Variants in SLC1A1 observed in about 807,000 individuals in gnomAD.
SLC1A1 encodes solute carrier family 1 member 1.
SLC1A1 carries 43 observed loss-of-function variants against 53.3 expected under a neutral mutation model. The ratio of observed to expected loss-of-function variants is 0.81; its 90% CI spans 0.63 to 1.04. SLC1A1 has a LOEUF of 1.04. Ranked by LOEUF, SLC1A1 falls within the 50% of genes least tolerant of loss-of-function variation. The pLI, the probability that SLC1A1 is intolerant of heterozygous loss-of-function variation, is 0.00. For synonymous variants in SLC1A1, 307 were observed against 243.2 expected (o/e 1.26, Z -2.44); for missense variants, 748 against 664.9 (o/e 1.12, Z -1.37).
chr9:4,580,458 G>A (rs1820954692), intron 10 of SLC1A1, among the ~76,000 whole-genome samples: 1 of 151,900 alleles, frequency 6.6e-6, no homozygotes, highest in African/African-American at 2.4e-5. Context: ...GAGTGCATCT[G>A]TGGTCTCAGC....
At chr9:4,566,138 C>G (rs780009022) in intron 5 of SLC1A1, 49 bp downstream of exon 5, 1 of 1,512,316 alleles carries the variant, frequency 6.6e-7, no homozygotes, top group Admixed American at 1.7e-5. Context: ...TTCCCATTAT[C>G]AATTAAAAAT....
chr9:4,551,070 A>C (rs1381843649), intron 2 of SLC1A1, among the ~76,000 whole-genome samples: 2 of 152,222 alleles, frequency 1.3e-5, no homozygotes, highest in African/African-American at 4.8e-5. Context: ...CTACCACATC[A>C]GGCAAGGAGT....
At chr9:4,515,810 G>A (rs778459060) in intron 1 of SLC1A1, among the ~76,000 whole-genome samples, 1 of 152,140 alleles carries the variant, frequency 6.6e-6, no homozygotes, top group Non-Finnish European at 1.5e-5. Context: ...TCTCACAGCT[G>A]GCTGCTGAGT....
At chr9:4,562,065 C>CTTTT (rs745615028) in intron 3 of SLC1A1, among the ~76,000 whole-genome samples, 3 of 94,282 alleles carry the variant, frequency 3.2e-5, no homozygotes, top group Admixed American at 1.4e-4. Context: ...GCCCTAACTA[C>CTTTT]TTTTTTTTTT....
In SLC1A1 at chr9:4,537,240, A is replaced by T. The variant is rs981772706; in HGVS notation, c.92-7327A>T. 4.6e-5 allele frequency among the ~76,000 whole-genome samples: 7 copies of T among 152,196 alleles called. 1 individual carries two copies. The highest frequency in any genetic ancestry group is 3.9e-4 in the Admixed American group (6 of 15,278). ...ATGTGGGGGAAATGCTTATGACTTA[A>T]CATTAAATGAAAATTGCTTTTTAAA... On this transcript the variant is annotated intron_variant, in intron 1 of 11. Transcript: ENST00000262352.
chr9:4,509,750 T>C (rs1820934689), intron 1 of SLC1A1, among the ~76,000 whole-genome samples: 1 of 152,124 alleles, frequency 6.6e-6, no homozygotes, highest in South Asian at 2.1e-4. Flanking sequence ...CAGAGCCATA[T>C]GGCATGAGGT....
chr9:4,551,377 T>A (rs1222154455), intron 2 of SLC1A1, among the ~76,000 whole-genome samples: 1 of 152,074 alleles, frequency 6.6e-6, no homozygotes, highest in Non-Finnish European at 1.5e-5. Flanking sequence ...GAAAACAGAC[T>A]AACAGAAAAC....
intron 2 of SLC1A1, among the ~76,000 whole-genome samples, chr9:4,559,230 C>A (rs934308451): frequency 6.6e-6 from 1 of 152,050 alleles, no homozygotes; most frequent in Non-Finnish European, 1.5e-5. Flanking sequence ...TTTCTCAAAT[C>A]GAATAGAATC....
Position 4,581,927 on chromosome 9 carries a change from C to CT in SLC1A1, c.1194-1104dup, listed in dbSNP as rs767466237. Among the ~76,000 whole-genome samples, 110 of 152,160 alleles carry CT rather than the reference C, an allele frequency of 7.2e-4. 1 individual carries two copies. Among genetic ancestry groups the CT allele is most frequent in the South Asian group, 4.1e-4 (2 of 4,832 alleles). ...AGAATCAGCTTCCTAAGAACTCTGG[C>CT]TTTTTTTAGCCCCAAAGAATATGAA... is the stretch of plus-strand genomic sequence containing the variant. On this transcript the variant is annotated intron_variant, in intron 10 of 11. Transcript: ENST00000262352.
intron 1 of SLC1A1, among the ~76,000 whole-genome samples, chr9:4,533,187 T>C (rs145071383): frequency 0.021 from 3,164 of 152,242 alleles, 118 homozygotes; most frequent in African/African-American, 0.072. Flanking sequence ...AAGATCATAA[T>C]GGCAGGATCA....
chr9:4,585,459 T>A lies in SLC1A1; in HGVS notation c.1476T>A (p.Leu492=), dbSNP rs1476519992. Residue 492 remains leucine (L), a synonymous_variant, in exon 12 of 12, where the codon CTT becomes CTA. Transcript: ENST00000262352. ...VNPFALESTI[L]DNEDSDTKKS... ...CCTTTGCCTTGGAATCCACAATCCT[T>A]GACAACGAAGACTCAGACACCAAGA... 1.2e-6 allele frequency: 2 copies of A among 1,614,202 alleles called. No individual in the cohort carries two copies. Among genetic ancestry groups the A allele is most frequent in the Non-Finnish European group, 8.5e-7 (1 of 1,180,048 alleles).
chr9:4,541,681 G>T (rs977769610), intron 1 of SLC1A1, among the ~76,000 whole-genome samples: 3 of 152,176 alleles, frequency 2.0e-5, no homozygotes, highest in Non-Finnish European at 4.4e-5. Flanking sequence ...TGTGACTCAG[G>T]TTCCATAATC....
At chr9:4,547,862 CTT>C (rs1185460693) in intron 2 of SLC1A1, among the ~76,000 whole-genome samples, 1 of 151,898 alleles carries the variant, frequency 6.6e-6, no homozygotes, top group East Asian at 1.9e-4. Context: ...AAAAACTTGT[CTT>C]AGAATCATAT....
chr9:4,525,010 G>A (rs1010347513), intron 1 of SLC1A1, among the ~76,000 whole-genome samples: 1 of 152,116 alleles, frequency 6.6e-6, no homozygotes, highest in Non-Finnish European at 1.5e-5. Flanking sequence ...GTTTTGCTGA[G>A]GACAAACCAA....
At chr9:4,521,327 G>A (rs1489280346) in intron 1 of SLC1A1, among the ~76,000 whole-genome samples, 1 of 152,130 alleles carries the variant, frequency 6.6e-6, no homozygotes, top group Non-Finnish European at 1.5e-5. Context: ...AAGGTCATCA[G>A]GATTTATGCT....
At chr9:4,562,965 T>C (rs1435809694) in intron 3 of SLC1A1, among the ~76,000 whole-genome samples, 1 of 96,028 alleles carries the variant, frequency 1.0e-5, no homozygotes, top group African/African-American at 4.1e-5. Context: ...CTGGGGACTG[T>C]TGTGGGGTGG....
intron 1 of SLC1A1, among the ~76,000 whole-genome samples, chr9:4,499,846 A>T (rs901272907): frequency 3.9e-5 from 6 of 152,272 alleles, no homozygotes; most frequent in African/African-American, 1.4e-4. Context: ...GGCATAAGAA[A>T]TAAAGAAAGC....
Position 4,583,323 on chromosome 9 carries a change from A to C in SLC1A1, c.1328+151A>C. 1 of 985,952 alleles carries C rather than the reference A, an allele frequency of 1.0e-6. No individual in the cohort carries two copies. 61.1% of individuals were successfully genotyped at this position (985,952 alleles called of 1,614,324 possible). ...TTTCCTCTGACCAGGCCATCTGATA[A>C]CATGCCTAAAAATTAACTCCTCATA... On this transcript the variant is annotated intron_variant, in intron 11 of 11. Coordinates refer to ENST00000262352, the MANE Select transcript of SLC1A1 (RefSeq NM_004170.6). This position sits in a 1 kb window ranked among gnomAD's most constrained non-coding sequence, Gnocchi z 4.6.
intron 1 of SLC1A1, among the ~76,000 whole-genome samples, chr9:4,536,646 G>C (rs143594276): frequency 0.059 from 8,907 of 152,238 alleles, 366 homozygotes; most frequent in Non-Finnish European, 0.089. Context: ...GATTCCTCAG[G>C]GATCTTGAAC....
Sources: gnomAD v4.1 joint callset for allele counts (sites outside exome capture counted in the v4.1 genomes callset) on GRCh38, gnomAD v4.1.1 for gene constraint, Gnocchi (gnomAD v3.1) non-coding constraint, MANE v1.5 for transcripts, NCBI Gene and HGNC (gene_info 2026-07-23, HGNC 2026-07-21) for gene names.